GRIP1: variants seen among roughly 807,000 people sequenced by gnomAD.
The protein encoded by GRIP1 is glutamate receptor-interacting protein 1.
In GRIP1, 45 loss-of-function variants were observed where a neutral mutation model predicts 129.9. The observed-to-expected ratio is 0.35, with a 90% confidence interval of 0.27 to 0.44. GRIP1 has a LOEUF of 0.44. GRIP1 is among the 20% of genes least tolerant of loss of function. The pLI, the probability that GRIP1 is intolerant of heterozygous loss-of-function variation, is 1.00. For missense variants in GRIP1, 1,196 were observed against 1,396.8 expected (o/e 0.86, Z 2.29); for synonymous variants, 530 against 520.8 (o/e 1.02, Z -0.24).
intron 1 of GRIP1, among the ~76,000 whole-genome samples, chr12:66,814,508 T>G (rs939481527): frequency 2.6e-5 from 4 of 151,694 alleles, no homozygotes; most frequent in African/African-American, 4.8e-5. Flanking sequence ...GTCTAACATA[T>G]ATTTGTCCCT....
intron 3 of GRIP1, among the ~76,000 whole-genome samples, 173 bp downstream of exon 3, chr12:66,541,642 C>T (rs1469112750): frequency 6.6e-6 from 1 of 152,232 alleles, no homozygotes; most frequent in Non-Finnish European, 1.5e-5. Context: ...GCCACATGGG[C>T]AGACCTGGGG....
intron 1 of GRIP1, among the ~76,000 whole-genome samples, chr12:66,716,401 C>T (rs2035888468): frequency 6.6e-6 from 1 of 151,726 alleles, no homozygotes; most frequent in African/African-American, 2.4e-5. Context: ...ATCAAGACCT[C>T]CAGGAGAGAA....
chr12:67,024,247 G>A (rs1488872848), intron 1 of GRIP1, among the ~76,000 whole-genome samples: 8 of 152,194 alleles, frequency 5.3e-5, no homozygotes, highest in East Asian at 1.9e-4. Flanking sequence ...GATGCCCAAC[G>A]CACTGCAGAT....
chr12:66,980,339 G>A (rs138591965), intron 1 of GRIP1, among the ~76,000 whole-genome samples: 2 of 152,296 alleles, frequency 1.3e-5, no homozygotes, highest in East Asian at 3.9e-4. Context: ...GTGGCTAGGC[G>A]TGGTGGTTCA....
Position 66,371,699 on chromosome 12 carries a change from G to A in GRIP1, c.3007C>T (p.His1003Tyr), listed in dbSNP as rs1592712164. The change falls in exon 23 of 25, where the codon CAC (histidine) becomes TAC (tyrosine). Residue 1003 changes from histidine (H) to tyrosine (Y), a missense_variant. Around this residue, in one of 5 missense-constraint regions of GRIP1, gnomAD observed 427 missense variants for 463.3 expected, o/e 0.92. Coordinates refer to ENST00000359742, the MANE Select transcript of GRIP1 (RefSeq NM_001366722.1). ...EIMSPTPVELHKVTLYKDSDM... is the reference protein window; with the variant it reads ...EIMSPTPVELYKVTLYKDSDM... ...AGAAGAGAAAGCTTACTGACCTTGT[G>A]CAGCTCCACAGGAGTTGGAGACATG... 6 of 1,599,548 alleles carry A rather than the reference G, an allele frequency of 3.8e-6. No individual in the cohort carries two copies. Among genetic ancestry groups the A allele is most frequent in the African/African-American group, 1.3e-5 (1 of 74,778 alleles).
At chr12:66,366,281 G>C (rs2055139341) in intron 23 of GRIP1, among the ~76,000 whole-genome samples, 1 of 152,176 alleles carries the variant, frequency 6.6e-6, no homozygotes, top group African/African-American at 2.4e-5. Context: ...CTTCCTCCGA[G>C]GGCTGAGCCT....
chr12:66,542,615 T>A (rs1233286205), intron 2 of GRIP1, among the ~76,000 whole-genome samples: 1 of 152,160 alleles, frequency 6.6e-6, no homozygotes, highest in Non-Finnish European at 1.5e-5. Flanking sequence ...ATTTCACAGA[T>A]CTTGTGGGGA....
chr12:66,526,175 C>A (rs984805982), intron 5 of GRIP1, among the ~76,000 whole-genome samples: 2 of 151,052 alleles, frequency 1.3e-5, no homozygotes, highest in Non-Finnish European at 3.0e-5. Context: ...TTGGAAAAAA[C>A]TACTTTAAAG....
intron 1 of GRIP1, among the ~76,000 whole-genome samples, chr12:66,780,219 G>A (rs1411637965): frequency 6.6e-6 from 1 of 152,164 alleles, no homozygotes; most frequent in East Asian, 1.9e-4. Context: ...CTACCAAGAA[G>A]AGCAGGAATC....
At chr12:66,380,036 G>C (rs1592728957) in intron 19 of GRIP1, among the ~76,000 whole-genome samples, 2 of 151,874 alleles carry the variant, frequency 1.3e-5, no homozygotes, top group South Asian at 4.2e-4. Flanking sequence ...CTCCCAAGTA[G>C]CTAGGATTAC....
chr12:66,712,789 T>G (rs1362948035), intron 1 of GRIP1, among the ~76,000 whole-genome samples: 1 of 152,008 alleles, frequency 6.6e-6, no homozygotes, highest in East Asian at 1.9e-4. Context: ...ACAATAACAT[T>G]TGGAAAGGGC....
intron 23 of GRIP1, among the ~76,000 whole-genome samples, chr12:66,359,990 C>G (rs1401856766): frequency 1.3e-5 from 2 of 152,148 alleles, no homozygotes; most frequent in Non-Finnish European, 2.9e-5. Context: ...TATCCAGTTA[C>G]TTTCTTACAT....
intron 5 of GRIP1, among the ~76,000 whole-genome samples, chr12:66,522,605 G>A (rs916661578): frequency 1.3e-5 from 2 of 152,172 alleles, no homozygotes; most frequent in Admixed American, 6.5e-5. Flanking sequence ...CAGAAAAACT[G>A]GAAACTCTAA....
At chr12:66,478,592 G>C (rs565948712) in intron 7 of GRIP1, among the ~76,000 whole-genome samples, 1 of 152,092 alleles carries the variant, frequency 6.6e-6, no homozygotes, top group Non-Finnish European at 1.5e-5. Context: ...TGTTTATTGC[G>C]GCAGTACTCA....
intron 1 of GRIP1, among the ~76,000 whole-genome samples, chr12:67,053,294 T>A (rs1479570262): frequency 1.3e-5 from 2 of 152,208 alleles, no homozygotes; most frequent in African/African-American, 4.8e-5. Flanking sequence ...GCAGATACCT[T>A]GGGAATATAG....
At chr12:66,720,239 C>T (rs1347830717) in intron 1 of GRIP1, among the ~76,000 whole-genome samples, 2 of 152,090 alleles carry the variant, frequency 1.3e-5, no homozygotes, top group Non-Finnish European at 2.9e-5. Context: ...ATTAAGTGTG[C>T]AATAACATTA....
At position 66,698,207 on chromosome 12, in the gene GRIP1, T is replaced by C. The variant is rs1016773498; in HGVS notation, c.-419-67871A>G. 6.6e-5 allele frequency among the ~76,000 whole-genome samples: 10 copies of C among 152,186 alleles called. 1 individual carries two copies. Among genetic ancestry groups the C allele is most frequent in the South Asian group, 4.1e-4 (2 of 4,826 alleles). On this transcript the variant is annotated intron_variant, in intron 1 of 4. Coordinates refer to the GRIP1 transcript ENST00000538373. The stretch of plus-strand genomic sequence containing the variant: ...TTCTTCTCTTCAATCAATATGTATC[T>C]AGACTTGAACATGCACTGAAAAGAA...
intron 1 of GRIP1, among the ~76,000 whole-genome samples, chr12:66,786,925 G>A (rs2038365505): frequency 6.6e-6 from 1 of 152,160 alleles, no homozygotes; most frequent in South Asian, 2.1e-4. Flanking sequence ...AAGAACCACA[G>A]CTGACCCTCA....
At chr12:66,350,640 A>G (rs1433890694) in intron 24 of GRIP1, among the ~76,000 whole-genome samples, 3 of 152,130 alleles carry the variant, frequency 2.0e-5, no homozygotes, top group African/African-American at 7.2e-5. Flanking sequence ...CTCTGGCTCT[A>G]ATATCTCTCC....
Sources: allele counts gnomAD v4.1 joint callset (sites outside exome capture counted in the v4.1 genomes callset), GRCh38; gene constraint gnomAD v4.1.1; regional missense constraint gnomAD v4.1.1; transcripts MANE v1.5; gene names NCBI Gene and HGNC (gene_info 2026-07-23, HGNC 2026-07-21).